The following AUNIP variants were observed in gnomAD, a reference collection of about 807,000 sequenced individuals.
AUNIP encodes aurora kinase A and ninein interacting protein.
AUNIP carries 16 observed loss-of-function variants against 12.2 expected under a neutral mutation model. That is an observed-to-expected ratio of 1.31 (90% CI 0.88 to 1.99). The LOEUF (loss-of-function observed/expected upper bound fraction) is 1.99, where lower values mean the gene tolerates loss of function less well. Ranked by LOEUF, AUNIP falls within the 30% of genes most tolerant of loss-of-function variation. The pLI is 0.00. For missense variants in AUNIP, 411 were observed against 419.1 expected (o/e 0.98, Z 0.17); for synonymous variants, 142 against 154.8 (o/e 0.92, Z 0.61).
At position 25,835,438 on chromosome 1, in the gene AUNIP, C is replaced by T. The variant is rs1460853574; in HGVS notation, c.629G>A (p.Ser210Asn). The part of the protein sequence containing the change: ...WLHESKKNYQ[S>N]MEKHTKLPGD... ...AGGTAGTTTGGTGTGTTTCTCCATACTCTGATAGTTCTTCTTAGACTCATG... is the reference window on the plus strand; with the variant it reads ...AGGTAGTTTGGTGTGTTTCTCCATATTCTGATAGTTCTTCTTAGACTCATG... The change falls in exon 3 of 3, where the codon AGT becomes AAT. Residue 210 changes from serine to asparagine, a missense_variant. Ser to Asn is a conservative substitution (Grantham distance 46, BLOSUM62 1). Coordinates refer to ENST00000374298, the MANE Select transcript of AUNIP (RefSeq NM_024037.3). 2.5e-6 allele frequency: 4 copies of T among 1,614,134 alleles called. No homozygotes were observed. The African/African-American group carries it at 5.3e-5, about 22-fold the overall frequency.
At chr1:25,843,519 G>C (rs1490073689) in intron 1 of AUNIP, among the ~76,000 whole-genome samples, 1 of 136,438 alleles carries the variant, frequency 7.3e-6, no homozygotes, top group African/African-American at 2.7e-5. Flanking sequence ...TTACTCAGGA[G>C]ACTGAGACTA....
At chr1:25,856,131 G>A (rs1026883699) in intron 1 of AUNIP, among the ~76,000 whole-genome samples, 1 of 152,076 alleles carries the variant, frequency 6.6e-6, no homozygotes, top group African/African-American at 2.4e-5. Flanking sequence ...TTGGGAGGCT[G>A]AGGCAGGTGG....
chr1:25,844,267 C>T (rs113214973), intron 1 of AUNIP, among the ~76,000 whole-genome samples: 14 of 152,176 alleles, frequency 9.2e-5, no homozygotes, highest in South Asian at 2.1e-4. Context: ...CCACCATGCC[C>T]GGCTAATTTT....
chr1:25,850,014 A>G (rs1327983828), intron 1 of AUNIP, among the ~76,000 whole-genome samples: 1 of 151,860 alleles, frequency 6.6e-6, no homozygotes, highest in Non-Finnish European at 1.5e-5. Flanking sequence ...TTTGGCTATT[A>G]TGAGAAACGC....
intron 1 of AUNIP, among the ~76,000 whole-genome samples, chr1:25,841,306 T>G (rs1270329042): frequency 2.0e-5 from 3 of 152,218 alleles, no homozygotes; most frequent in African/African-American, 7.2e-5. Context: ...GCTGTTTGTA[T>G]TTTATACAGT....
downstream of AUNIP, chr1:25,832,050 G>A: frequency 6.2e-7 from 1 of 1,614,010 alleles, no homozygotes; most frequent in Non-Finnish European, 8.5e-7. Flanking sequence ...TGCAAACTCA[G>A]TCTCATGCTC....
chr1:25,858,736 C>G (rs2048482489), intron 1 of AUNIP, among the ~76,000 whole-genome samples: 1 of 152,104 alleles, frequency 6.6e-6, no homozygotes, highest in Non-Finnish European at 1.5e-5. Context: ...ATGCAGTATC[C>G]GGCACCCAGT....
At chr1:25,848,268 T>A (rs1446996588) in intron 1 of AUNIP, among the ~76,000 whole-genome samples, 1 of 151,940 alleles carries the variant, frequency 6.6e-6, no homozygotes, top group Non-Finnish European at 1.5e-5. Flanking sequence ...CTTGGCCAGG[T>A]GCGGTGGCTC....
downstream of AUNIP, chr1:25,831,990 T>G (rs2048249369): frequency 1.2e-6 from 2 of 1,614,212 alleles, no homozygotes; most frequent in African/African-American, 1.3e-5. Flanking sequence ...GGAAGTTTGC[T>G]CTAAAGGAAG....
rs114799828 is a variant in AUNIP at position 25,859,321 on chromosome 1, C to A, written c.37G>T (p.Val13Leu). The stretch of plus-strand genomic sequence containing the variant: ...TTCAGCGCCGCCGCGTCCAGCCACA[C>A]GCCGCAGGCCTCCTCCTCGGGGCCT... ...RTGPEEEACG[V>L]WLDAAALKRR... Residue 13 changes from valine (V) to leucine (L), a missense_variant, in exon 1 of 3, where the codon GTG becomes TTG. Physicochemically the swap from Val to Leu is conservative, Grantham distance 32 (BLOSUM62 1). Transcript: ENST00000374298. The A allele has an allele frequency of 5.9e-4, 932 of 1,571,212 alleles. 10 individuals are homozygous for A. The African/African-American group carries it at 0.012, about 20-fold the overall frequency.
At chr1:25,853,254 A>G (rs2048436249) in intron 1 of AUNIP, among the ~76,000 whole-genome samples, 1 of 152,224 alleles carries the variant, frequency 6.6e-6, no homozygotes, top group Admixed American at 6.5e-5. Context: ...TAGCTGTATT[A>G]GTGTTGTATT....
In AUNIP at chr1:25,837,366, C is replaced by T. The variant is rs186674067; in HGVS notation, c.220+47G>A. On this transcript the variant is annotated intron_variant, in intron 2 of 2. Coordinates refer to ENST00000374298, the MANE Select transcript of AUNIP (RefSeq NM_024037.3). ...TCTAACATGGACAAATGAACACACT[C>T]CTTTTTTGCTCTGGATAATGAAGTA... 2.1e-3 allele frequency: 3,360 copies of T among 1,577,350 alleles called. 7 individuals are homozygous for T. The highest frequency in any genetic ancestry group is 2.6e-3 in the Non-Finnish European group (2,978 of 1,158,774).
intron 1 of AUNIP, among the ~76,000 whole-genome samples, chr1:25,848,848 G>A (rs1312865693): frequency 2.6e-5 from 4 of 152,208 alleles, no homozygotes; most frequent in Non-Finnish European, 5.9e-5. Flanking sequence ...AGAGCAGTTG[G>A]CATTGTCTGT....
intron 1 of AUNIP, among the ~76,000 whole-genome samples, chr1:25,852,429 G>A (rs1434915767): frequency 6.7e-6 from 1 of 149,036 alleles, no homozygotes; most frequent in Non-Finnish European, 1.5e-5. Context: ...TCTTAAGGTA[G>A]AAGATTAGAT....
chr1:25,836,037 A>G (rs2048300496), intron 2 of AUNIP, among the ~76,000 whole-genome samples, 191 bp from the exon 3 acceptor site: 1 of 152,156 alleles, frequency 6.6e-6, no homozygotes, highest in Admixed American at 6.5e-5. Context: ...AAACTCTAAA[A>G]CATCAGATCT....
In AUNIP at chr1:25,834,959, T is replaced by C; in HGVS notation, c.*34A>G. ...CTATATTTTCCTACATCTCTATCAT[T>C]TCAAGGTACTTTTAGAAACAAAGCT... On this transcript the variant is annotated 3_prime_UTR_variant, in exon 3 of 3. Coordinates refer to ENST00000374298, the MANE Select transcript of AUNIP (RefSeq NM_024037.3). 6.3e-7 allele frequency: 1 copy of C among 1,579,368 alleles called. No individual in the cohort carries two copies. The highest frequency in any genetic ancestry group is 8.6e-7 in the Non-Finnish European group (1 of 1,163,800).
chr1:25,857,215 C>T (rs2048468699), intron 1 of AUNIP, among the ~76,000 whole-genome samples: 1 of 151,096 alleles, frequency 6.6e-6, no homozygotes, highest in African/African-American at 2.4e-5. Context: ...ATTCCTAATT[C>T]AAGGAGTAAT....
chr1:25,835,267 C>T lies in AUNIP; in HGVS notation c.800G>A (p.Ser267Asn), dbSNP rs927853126. The T allele has an allele frequency of 6.2e-7, 1 of 1,614,240 alleles. No individual in the cohort carries two copies. Among genetic ancestry groups the T allele is most frequent in the Non-Finnish European group, 8.5e-7 (1 of 1,180,042 alleles). Residue 267 changes from serine to asparagine, a missense_variant, in exon 3 of 3, where the codon AGT becomes AAT. Physicochemically the swap from Ser to Asn is conservative, Grantham distance 46. Coordinates refer to ENST00000374298, the MANE Select transcript of AUNIP (RefSeq NM_024037.3). ...ENIESVKQSR[S>N]PVSVFSWDNE... ...GTCCCAGGAAAACACAGAAACTGGA[C>T]TACGGCTTTGTTTCACTGATTCTAT...
rs1387576588 is a variant in AUNIP at position 25,835,581 on chromosome 1, G to A, written c.486C>T (p.Asp162=). Residue 162 remains aspartate, a synonymous_variant, in exon 3 of 3, where the codon GAC becomes GAT. Coordinates refer to ENST00000374298, the MANE Select transcript of AUNIP (RefSeq NM_024037.3). ...GTGGGGTATGACTATCTCCAGCACA[G>A]TCTGGAGTATCAGGCTGGAGCAAAG... ...ELSLLQPDTP[D]CAGDSHTPLA... 1.2e-6 allele frequency: 2 copies of A among 1,614,266 alleles called. No individual in the cohort carries two copies. The highest frequency in any genetic ancestry group is 1.3e-5 in the African/African-American group (1 of 75,074).
Sources: gnomAD v4.1 joint callset for allele counts (sites outside exome capture counted in the v4.1 genomes callset) on GRCh38, gnomAD v4.1.1 for gene constraint, MANE v1.5 for transcripts, NCBI Gene and HGNC (gene_info 2026-07-23, HGNC 2026-07-21) for gene names.